Variants in STXBP5L observed in about 807,000 individuals in gnomAD.
STXBP5L encodes the protein syntaxin binding protein 5L, also known as syntaxin-binding protein 5-like.
In STXBP5L, 65 loss-of-function variants were observed where a neutral mutation model predicts 144.5. That is an observed-to-expected ratio of 0.45 (90% confidence interval 0.37 to 0.55). The LOEUF (loss-of-function observed/expected upper bound fraction) is 0.55, where lower values mean the gene tolerates loss of function less well. STXBP5L is among the 20% of genes least tolerant of loss of function. The pLI, the probability that STXBP5L is intolerant of heterozygous loss-of-function variation, is 0.00. For missense variants in STXBP5L, 1,298 were observed against 1,405.5 expected, an observed-to-expected ratio of 0.92 and a Z score of 1.22; for synonymous variants, 505 against 469.6, an observed-to-expected ratio of 1.08 and a Z score of -0.97.
In STXBP5L at chr3:121,407,431, A is replaced by T; in HGVS notation, c.2776A>T (p.Thr926Ser). ...ASQEIGDHQY[T>S]IICSEKQAKV... ...CCAAGAAATAGGAGATCATCAGTATACAATAATCTGCTCAGAAAAACAAGC... is the reference window on the plus strand; with the variant it reads ...CCAAGAAATAGGAGATCATCAGTATTCAATAATCTGCTCAGAAAAACAAGC... Residue 926 changes from threonine to serine, a missense_variant, in exon 23 of 27, where the codon ACA becomes TCA. Transcript: ENST00000471454. The T allele has an allele frequency of 6.2e-7, 1 of 1,613,304 alleles. No individual in the cohort carries two copies.
intron 5 of STXBP5L, among the ~76,000 whole-genome samples, chr3:121,108,779 G>A (rs1576980903): frequency 6.6e-6 from 1 of 152,166 alleles, no homozygotes; most frequent in East Asian, 1.9e-4. Flanking sequence ...AGTAGTTTCA[G>A]AATAAATGGT....
intron 22 of STXBP5L, among the ~76,000 whole-genome samples, chr3:121,391,460 A>G (rs2046582334): frequency 6.6e-6 from 1 of 152,110 alleles, no homozygotes; most frequent in African/African-American, 2.4e-5. Flanking sequence ...TTTGGAAGAG[A>G]AGAGGGGCTC....
intron 2 of STXBP5L, among the ~76,000 whole-genome samples, chr3:120,933,780 T>C (rs1263278881): frequency 6.6e-6 from 1 of 152,130 alleles, no homozygotes; most frequent in Non-Finnish European, 1.5e-5. Flanking sequence ...ACTATGATAG[T>C]GGACAAGAAT....
intron 10 of STXBP5L, among the ~76,000 whole-genome samples, chr3:121,217,461 C>A (rs186396202): frequency 6.6e-6 from 1 of 152,074 alleles, no homozygotes; most frequent in Non-Finnish European, 1.5e-5. Context: ...TTGCACTTCC[C>A]GGGTGAGGTG....
chr3:121,007,691 G>A (rs1204582358), intron 3 of STXBP5L, among the ~76,000 whole-genome samples: 1 of 151,936 alleles, frequency 6.6e-6, no homozygotes, highest in Non-Finnish European at 1.5e-5. Flanking sequence ...GTTTACATAG[G>A]CAGAATGAGC....
Position 121,394,959 on chromosome 3 carries a change from T to C in STXBP5L, c.2588-12284T>C, listed in dbSNP as rs536255781. Among the ~76,000 whole-genome samples, 12 of 152,272 alleles carry C rather than the reference T, an allele frequency of 7.9e-5. No individual in the cohort carries two copies. In the East Asian group the frequency reaches 2.3e-3, roughly 29 times the overall value. The stretch of plus-strand genomic sequence containing the variant: ...ATGAAATTCCCTTCAGGTATTATTA[T>C]CAAAAATAAAACTTCATTTACCCTT... On this transcript the variant is annotated intron_variant, in intron 22 of 26. Coordinates refer to ENST00000471454, the MANE Select transcript of STXBP5L (RefSeq NM_001308330.2).
chr3:121,057,066 A>G (rs1359248047), intron 5 of STXBP5L, among the ~76,000 whole-genome samples: 1 of 151,632 alleles, frequency 6.6e-6, no homozygotes. Flanking sequence ...TAAAGAAGGA[A>G]GAAAGCAAGA....
chr3:121,052,422 G>A (rs1948088121), intron 5 of STXBP5L, among the ~76,000 whole-genome samples: 1 of 152,172 alleles, frequency 6.6e-6, no homozygotes, highest in Admixed American at 6.5e-5. Flanking sequence ...TCATCCCTGG[G>A]ATGGAAGGCT....
At chr3:121,040,837 T>C (rs1346139625) in intron 3 of STXBP5L, among the ~76,000 whole-genome samples, 1 of 152,138 alleles carries the variant, frequency 6.6e-6, no homozygotes, top group Non-Finnish European at 1.5e-5. Flanking sequence ...TCCTACCTGA[T>C]ATGCAGTGTC....
chr3:121,409,401 A>G (rs2047067258), intron 23 of STXBP5L, among the ~76,000 whole-genome samples: 1 of 151,934 alleles, frequency 6.6e-6, no homozygotes, highest in South Asian at 2.1e-4. Context: ...GAATTTGGGT[A>G]CAAGAAAAAA....
At chr3:121,281,219 T>C (rs2051047976) in intron 19 of STXBP5L, among the ~76,000 whole-genome samples, 1 of 151,940 alleles carries the variant, frequency 6.6e-6, no homozygotes, top group Non-Finnish European at 1.5e-5. Context: ...GAATTACCAG[T>C]TTAGACCCTT....
At chr3:121,097,497 G>A (rs889795192) in intron 5 of STXBP5L, among the ~76,000 whole-genome samples, 1 of 152,216 alleles carries the variant, frequency 6.6e-6, no homozygotes, top group Non-Finnish European at 1.5e-5. Flanking sequence ...TGGGACAAAT[G>A]CAGTATCTGG....
intron 20 of STXBP5L, among the ~76,000 whole-genome samples, chr3:121,374,564 A>G (rs2046128064): frequency 6.6e-6 from 1 of 152,216 alleles, no homozygotes; most frequent in African/African-American, 2.4e-5. Context: ...AGAAATAAGA[A>G]AAACAATTCC....
intron 23 of STXBP5L, 26 bp downstream of exon 23, chr3:121,407,629 G>T: frequency 6.2e-7 from 1 of 1,612,006 alleles, no homozygotes; most frequent in Non-Finnish European, 8.5e-7. Flanking sequence ...TAAATTATCT[G>T]GTAATCACAA....
rs1368186786 is a variant in STXBP5L at position 121,260,104 on chromosome 3, A to G, written c.1958+936A>G. On this transcript the variant is annotated intron_variant, in intron 18 of 26. Transcript: ENST00000471454. Reference sequence around the variant, plus strand: ...CTACTTTCCTACAACCTTTCTAACTACAATGTATAATCAAACTTTCCATCC... The same window carrying G: ...CTACTTTCCTACAACCTTTCTAACTGCAATGTATAATCAAACTTTCCATCC... Among the ~76,000 whole-genome samples the G allele has an allele frequency of 2.0e-5, 3 of 152,098 alleles. No homozygotes were observed. The East Asian group carries it at 5.8e-4, about 29-fold the overall frequency.
chr3:120,994,453 G>T (rs1170874573), intron 3 of STXBP5L, among the ~76,000 whole-genome samples: 1 of 151,918 alleles, frequency 6.6e-6, no homozygotes, highest in Non-Finnish European at 1.5e-5. Flanking sequence ...TCATGTTAAG[G>T]TATGTTTCTT....
At chr3:121,003,729 A>G (rs1012214765) in intron 3 of STXBP5L, among the ~76,000 whole-genome samples, 4 of 152,122 alleles carry the variant, frequency 2.6e-5, no homozygotes, top group Admixed American at 6.6e-5. Context: ...TAATTTTTGT[A>G]TAAGGTGTAA....
intron 9 of STXBP5L, among the ~76,000 whole-genome samples, chr3:121,187,005 G>T (rs1185484040): frequency 1.3e-5 from 2 of 152,272 alleles, no homozygotes; most frequent in Middle Eastern, 3.4e-3. Flanking sequence ...AGTCAGTGTG[G>T]TGATTCCTCA....
At chr3:121,145,743 T>C (rs781368978) in intron 7 of STXBP5L, among the ~76,000 whole-genome samples, 1 of 152,078 alleles carries the variant, frequency 6.6e-6, no homozygotes, top group African/African-American at 2.4e-5. Context: ...TAATTGCCAA[T>C]GTCTTTATGA....
Sources: allele counts gnomAD v4.1 joint callset (sites outside exome capture counted in the v4.1 genomes callset), GRCh38; gene constraint gnomAD v4.1.1; transcripts MANE v1.5; gene names NCBI Gene and HGNC (gene_info 2026-07-23, HGNC 2026-07-21).